CABP1: variants seen among roughly 807,000 people sequenced by gnomAD.
The protein encoded by CABP1 is calcium-binding protein 1.
In CABP1, 17 loss-of-function variants were observed where a neutral mutation model predicts 34.3. The observed-to-expected ratio is 0.50, with a 90% CI of 0.34 to 0.74. CABP1 has a LOEUF of 0.74. Ranked by LOEUF, CABP1 falls within the 30% of genes least tolerant of loss-of-function variation. The pLI is 0.01. For missense variants in CABP1, 373 were observed against 511.1 expected, an observed-to-expected ratio of 0.73 and a Z score of 2.61; for synonymous variants, 198 against 229.2, an observed-to-expected ratio of 0.86 and a Z score of 1.23.
chr12:120,674,918 A>C, the CABP1 span, among the ~76,000 whole-genome samples: 4 of 150,260 alleles, frequency 2.7e-5, no homozygotes, highest in Non-Finnish European at 5.9e-5. Flanking sequence ...CAAAAAAAAA[A>C]AACACCAAAA....
In CABP1 at chr12:120,641,471, C is replaced by G; in HGVS notation, c.654+132C>G. The stretch of plus-strand genomic sequence containing the variant: ...ATCACGCCTCGGCTCACCTCGTCCT[C>G]CCCGGGCCGGCGCCCTTGCCGGCAC... On this transcript the variant is annotated intron_variant, in intron 1 of 5. Coordinates refer to ENST00000316803, the MANE Select transcript of CABP1 (RefSeq NM_001033677.2). This position sits in a 1 kb window ranked among gnomAD's most constrained non-coding sequence, Gnocchi z 6.7. 10 of 1,034,684 alleles carry G rather than the reference C, an allele frequency of 9.7e-6. No homozygotes were observed. The highest frequency in any genetic ancestry group is 1.2e-5 in the Non-Finnish European group (10 of 808,918). The allele number at this position is 1,034,684 out of a possible 1,614,324, so 64.1% of individuals were successfully genotyped here.
chr12:120,677,425 CT>C, the CABP1 span, among the ~76,000 whole-genome samples: 1 of 84,274 alleles, frequency 1.2e-5, no homozygotes, highest in Admixed American at 1.7e-4. Flanking sequence ...GAGACAGAGT[CT>C]CACTCTGTTG....
At chr12:120,656,392 A>G (rs1880222115) in intron 1 of CABP1, 18 of 965,688 alleles carry the variant, frequency 1.9e-5, no homozygotes, top group East Asian at 2.7e-5. Flanking sequence ...CTGATCCCCA[A>G]AGTTTTCCAC....
chr12:120,673,919 T>C, the CABP1 span, among the ~76,000 whole-genome samples: 6 of 152,228 alleles, frequency 3.9e-5, no homozygotes, highest in Non-Finnish European at 8.8e-5. Context: ...TGGTGGCTCA[T>C]GCCTGTAATT....
chr12:120,643,939 T>C lies in CABP1; in HGVS notation c.654+2600T>C, dbSNP rs550788045. On this transcript the variant is annotated intron_variant, in intron 1 of 5. Coordinates refer to ENST00000316803, the MANE Select transcript of CABP1 (RefSeq NM_001033677.2). ...ATTTGTAATAGTCTCAGAGAGCCAG[T>C]GTTCAGAATCACACTGAAGGCACAA... 2.6e-5 allele frequency among the ~76,000 whole-genome samples: 4 copies of C among 152,348 alleles called. No individual in the cohort carries two copies. The East Asian group carries it at 7.7e-4, about 29-fold the overall frequency.
downstream of CABP1, among the ~76,000 whole-genome samples, chr12:120,669,192 G>A (rs905918408): frequency 6.6e-6 from 1 of 152,236 alleles, no homozygotes; most frequent in African/African-American, 2.4e-5. Flanking sequence ...CAGGGAATGT[G>A]CAGGATCGTG....
At position 120,640,943 on chromosome 12, in the gene CABP1, C is replaced by A. The variant is rs1879290516; in HGVS notation, c.258C>A (p.Pro86=). ...AAAASGGSRA[P]RHGPARDPGL... ...CGGCGAGCGGGGGCAGCCGGGCTCC[C>A]CGCCACGGCCCTGCCCGGGACCCGG... Residue 86 remains proline (P), a synonymous_variant, in exon 1 of 6, where the codon CCC becomes CCA. Coordinates refer to ENST00000316803, the MANE Select transcript of CABP1 (RefSeq NM_001033677.2). This position sits in a 1 kb window ranked among gnomAD's most constrained non-coding sequence, Gnocchi z 6.2. The A allele has an allele frequency of 1.8e-6, 2 of 1,132,750 alleles. No individual in the cohort carries two copies. Among genetic ancestry groups the A allele is most frequent in the Non-Finnish European group, 2.2e-6 (2 of 925,174 alleles). 70.2% of individuals were successfully genotyped at this position (1,132,750 alleles called of 1,614,324 possible).
chr12:120,679,005 C>A, the CABP1 span, among the ~76,000 whole-genome samples: 1 of 127,952 alleles, frequency 7.8e-6, no homozygotes, highest in Non-Finnish European at 1.5e-5. Context: ...CTGAGGAGGC[C>A]AAGGTTGCAG....
At chr12:120,654,437 G>A (rs938318922) in intron 1 of CABP1, among the ~76,000 whole-genome samples, 1 of 152,162 alleles carries the variant, frequency 6.6e-6, no homozygotes, top group African/African-American at 2.4e-5. Context: ...CTGCCCCTGG[G>A]TCTTGGGATG....
chr12:120,648,827 G>A (rs1040665665), intron 1 of CABP1, among the ~76,000 whole-genome samples: 4 of 151,526 alleles, frequency 2.6e-5, no homozygotes, highest in Admixed American at 1.3e-4. Flanking sequence ...GTTGCAGTGA[G>A]CTGAGATTGC....
At chr12:120,657,650 C>A (rs1880323969) in intron 1 of CABP1, among the ~76,000 whole-genome samples, 1 of 152,236 alleles carries the variant, frequency 6.6e-6, no homozygotes, top group Non-Finnish European at 1.5e-5. Flanking sequence ...CACATAGCTA[C>A]TGCTGTGCAT....
chr12:120,655,757 C>T, intron 1 of CABP1: 2 of 1,471,372 alleles, frequency 1.4e-6, no homozygotes, highest in Non-Finnish European at 1.8e-6. Context: ...GAATAGAAGC[C>T]CCCCGCTGCC....
the CABP1 span, among the ~76,000 whole-genome samples, chr12:120,680,578 G>C: frequency 6.6e-6 from 1 of 152,164 alleles, no homozygotes; most frequent in Non-Finnish European, 1.5e-5. Context: ...TGGGAGACTG[G>C]AGCCCAAATT....
chr12:120,658,088 C>CTTTT (rs140287793), intron 1 of CABP1, among the ~76,000 whole-genome samples: 13 of 86,212 alleles, frequency 1.5e-4, no homozygotes, highest in African/African-American at 3.2e-4. Flanking sequence ...CCATCACCAG[C>CTTTT]TTTTTTTTTT....
intron 5 of CABP1, among the ~76,000 whole-genome samples, chr12:120,663,043 G>A (rs1008376030): frequency 8.5e-5 from 13 of 152,052 alleles, no homozygotes; most frequent in Admixed American, 3.3e-4. Context: ...TTCATGACTC[G>A]ACAGTGGGAC....
chr12:120,674,805 C>T, the CABP1 span, among the ~76,000 whole-genome samples: 8 of 151,540 alleles, frequency 5.3e-5, no homozygotes, highest in African/African-American at 1.9e-4. Flanking sequence ...GCAGGAGAAT[C>T]GCTTGAACCC....
Position 120,667,057 on chromosome 12 carries a change from C to A in CABP1, c.*157C>A. 1 of 794,852 alleles carries A rather than the reference C, an allele frequency of 1.3e-6. No individual in the cohort carries two copies. Among genetic ancestry groups the A allele is most frequent in the Non-Finnish European group, 2.0e-6 (1 of 500,566 alleles). The allele number at this position is 794,852 out of a possible 1,614,324, so 49.2% of individuals were successfully genotyped here. The stretch of plus-strand genomic sequence containing the variant: ...GAGGCGCCCACCCCGGACCCCCACC[C>A]CTCCGCACTGTGAAAGACTAACTCC... On this transcript the variant is annotated 3_prime_UTR_variant, in exon 6 of 6. Coordinates refer to ENST00000316803, the MANE Select transcript of CABP1 (RefSeq NM_001033677.2).
chr12:120,649,549 G>A (rs575566344), intron 1 of CABP1, among the ~76,000 whole-genome samples: 117 of 152,310 alleles, frequency 7.7e-4, no homozygotes, highest in East Asian at 2.7e-3. Flanking sequence ...GGACCTCGAA[G>A]AGCGCTTCGT....
chr12:120,649,884 G>A, intron 1 of CABP1, among the ~76,000 whole-genome samples: 1 of 152,208 alleles, frequency 6.6e-6, no homozygotes, highest in Non-Finnish European at 1.5e-5. Flanking sequence ...CTCGACTGGA[G>A]CCGCAGCTCT....
Sources: gnomAD v4.1 joint callset for allele counts (sites outside exome capture counted in the v4.1 genomes callset) on GRCh38, gnomAD v4.1.1 for gene constraint, Gnocchi (gnomAD v3.1) non-coding constraint, MANE v1.5 for transcripts, NCBI Gene and HGNC (gene_info 2026-07-23, HGNC 2026-07-21) for gene names.